The following NMT2 variants were observed in gnomAD, a reference collection of about 807,000 sequenced individuals.
NMT2 encodes the protein N-myristoyltransferase 2.
NMT2 carries 35 observed loss-of-function variants against 65.4 expected under a neutral mutation model. The ratio of observed to expected loss-of-function variants is 0.54; its 90% confidence interval spans 0.41 to 0.71. The LOEUF is 0.71. NMT2 is among the 30% of genes least tolerant of loss of function. The probability of loss-of-function intolerance (pLI) is 0.00; values close to 1 mark genes in which losing one functional copy is unlikely to be tolerated. For missense variants in NMT2, 489 were observed against 611.3 expected (o/e 0.80, Z 2.11); for synonymous variants, 226 against 231.8 (o/e 0.98, Z 0.23).
chr10:15,125,295 G>A (rs565510233), intron 8 of NMT2, among the ~76,000 whole-genome samples: 1 of 152,198 alleles, frequency 6.6e-6, no homozygotes, highest in Non-Finnish European at 1.5e-5. Context: ...ACTGCTACCA[G>A]GAACCCAGGT....
intron 8 of NMT2, among the ~76,000 whole-genome samples, chr10:15,125,074 C>CA (rs1238621998): frequency 6.6e-6 from 1 of 152,188 alleles, no homozygotes; most frequent in African/African-American, 2.4e-5. Flanking sequence ...GCCTGCATCC[C>CA]AAGCCCTCCA....
intron 1 of NMT2, among the ~76,000 whole-genome samples, chr10:15,147,119 AAAAAAAAAAAAAAAAAG>A: frequency 7.7e-6 from 1 of 129,126 alleles, no homozygotes; most frequent in African/African-American, 3.6e-5. Context: ...AAAAAAAAAA[AAAAAAAAAAAAAAAAAG>A]TGACATCAAA....
At chr10:15,121,152 T>G (rs894760636) in intron 8 of NMT2, among the ~76,000 whole-genome samples, 4 of 152,208 alleles carry the variant, frequency 2.6e-5, no homozygotes, top group Non-Finnish European at 4.4e-5. Flanking sequence ...AAACCTGATT[T>G]TTCCCCCCCT....
In NMT2 at chr10:15,112,910, C is replaced by T; in HGVS notation, c.1224G>A (p.Thr408=). The T allele has an allele frequency of 1.9e-6, 3 of 1,614,024 alleles. No individual in the cohort carries two copies. The highest frequency in any genetic ancestry group is 1.1e-5 in the South Asian group (1 of 91,076). The change falls in exon 10 of 12, where the codon ACG becomes ACA. Residue 408 remains threonine, a synonymous_variant. Coordinates refer to ENST00000378165, the MANE Select transcript of NMT2 (RefSeq NM_004808.3). The part of the protein sequence containing the change: ...DFLSFYTLPS[T]VMHHPAHKSL... The stretch of plus-strand genomic sequence containing the variant: ...TCTTGTGAGCAGGGTGGTGCATCAC[C>T]GTGGAGGGGAGCGTATAGAAGCTCA...
chr10:15,106,787 G>T lies in NMT2; in HGVS notation c.*2408C>A. 1 of 322,040 alleles carries T rather than the reference G, an allele frequency of 3.1e-6. No homozygotes were observed. Among genetic ancestry groups the T allele is most frequent in the South Asian group, 1.2e-4 (1 of 8,070 alleles). The allele number at this position is 322,040 out of a possible 1,614,324, so 19.9% of individuals were successfully genotyped here. A position where few individuals can be genotyped will look rare whatever the true frequency, so the allele number is the denominator to read the frequency against. Reference sequence around the variant, plus strand: ...CAACTCAGCTTTGTAGTGTGAAGCAGCCATAGGCAATATGTAAATGAAAGT... The same window carrying T: ...CAACTCAGCTTTGTAGTGTGAAGCATCCATAGGCAATATGTAAATGAAAGT... On this transcript the variant is annotated 3_prime_UTR_variant, in exon 12 of 12. Coordinates refer to ENST00000378165, the MANE Select transcript of NMT2 (RefSeq NM_004808.3).
intron 1 of NMT2, among the ~76,000 whole-genome samples, chr10:15,164,041 G>A (rs945007587): frequency 3.3e-5 from 5 of 152,014 alleles, no homozygotes; most frequent in Admixed American, 6.6e-5. Flanking sequence ...TTAGCCAGGC[G>A]TGGTGGCGGG....
intron 8 of NMT2, among the ~76,000 whole-genome samples, chr10:15,121,963 T>C (rs1041518704): frequency 6.6e-6 from 1 of 152,190 alleles, no homozygotes; most frequent in Non-Finnish European, 1.5e-5. Context: ...CTTTAGTCTT[T>C]TAGTACCTCT....
chr10:15,147,916 T>C (rs1847020017), intron 1 of NMT2, among the ~76,000 whole-genome samples: 1 of 152,216 alleles, frequency 6.6e-6, no homozygotes, highest in Non-Finnish European at 1.5e-5. Context: ...AAACATTTCA[T>C]GGTAAAGTGA....
intron 2 of NMT2, chr10:15,139,696 A>T (rs918483686): frequency 6.6e-6 from 1 of 151,604 alleles, no homozygotes; most frequent in African/African-American, 2.4e-5. Context: ...GCAGTCAGTC[A>T]GGGAAAAATT....
At chr10:15,141,130 C>T (rs1490647297) in intron 2 of NMT2, 1 of 1,091,284 alleles carries the variant, frequency 9.2e-7, no homozygotes, top group Non-Finnish European at 1.4e-6. Context: ...AAAAACCTAA[C>T]AAGCTCACAC....
intron 1 of NMT2, among the ~76,000 whole-genome samples, chr10:15,150,149 C>T (rs1284670860): frequency 6.6e-6 from 1 of 152,190 alleles, no homozygotes; most frequent in Non-Finnish European, 1.5e-5. Context: ...AGAGGTTCAT[C>T]ACACTACCTG....
At chr10:15,144,736 A>G (rs1380562007) in intron 1 of NMT2, among the ~76,000 whole-genome samples, 2 of 152,122 alleles carry the variant, frequency 1.3e-5, no homozygotes, top group Non-Finnish European at 2.9e-5. Context: ...GTCTCAAAAA[A>G]AAAAAAGAAA....
At position 15,111,248 on chromosome 10, in the gene NMT2, C is replaced by T. The variant is rs1318812575; in HGVS notation, c.1339-1409G>A. On this transcript the variant is annotated intron_variant, in intron 10 of 11. Transcript: ENST00000378165. ...TATGCAGGCCGGGCGTGGTGGCTCA[C>T]GCCTGTAATCCCCGCACTTTGGGAG... Among the ~76,000 whole-genome samples the T allele has an allele frequency of 2.6e-5, 4 of 151,912 alleles. No individual in the cohort carries two copies. The East Asian group carries it at 7.8e-4, about 29-fold the overall frequency.
At chr10:15,117,062 AC>A (rs1424495451) in intron 9 of NMT2, among the ~76,000 whole-genome samples, 1 of 152,230 alleles carries the variant, frequency 6.6e-6, no homozygotes, top group African/African-American at 2.4e-5. Flanking sequence ...CTATTATGAG[AC>A]CAGTATTATC....
At chr10:15,152,960 A>T (rs992033425) in intron 1 of NMT2, among the ~76,000 whole-genome samples, 2 of 152,252 alleles carry the variant, frequency 1.3e-5, no homozygotes, top group African/African-American at 4.8e-5. Context: ...CTTACTGTCT[A>T]CTAATAGGGG....
chr10:15,106,904 C>A lies in NMT2; in HGVS notation c.*2291G>T, dbSNP rs1845322623. On this transcript the variant is annotated 3_prime_UTR_variant, in exon 12 of 12. Coordinates refer to ENST00000378165, the MANE Select transcript of NMT2 (RefSeq NM_004808.3). The stretch of plus-strand genomic sequence containing the variant: ...TCACTTGAGGCCAGGAGTTAAAGAC[C>A]AGCACGGGAAACATAGCAAGACCTT... 1.3e-5 allele frequency among the ~76,000 whole-genome samples: 2 copies of A among 152,106 alleles called. No homozygotes were observed. Among genetic ancestry groups the A allele is most frequent in the African/African-American group, 2.4e-5 (1 of 41,418 alleles).
At chr10:15,155,295 T>C (rs573419626) in intron 1 of NMT2, 28 of 1,357,106 alleles carry the variant, frequency 2.1e-5, no homozygotes, top group Middle Eastern at 1.8e-4. Flanking sequence ...GATGGCGATG[T>C]TGAAGAACAT....
intron 9 of NMT2, among the ~76,000 whole-genome samples, chr10:15,114,014 G>C (rs1204451412): frequency 6.6e-6 from 1 of 152,164 alleles, no homozygotes; most frequent in Non-Finnish European, 1.5e-5. Flanking sequence ...ATTTCTTTCA[G>C]CAGAAAAGGA....
chr10:15,132,365 C>G (rs1477482015), intron 6 of NMT2, among the ~76,000 whole-genome samples: 1 of 152,156 alleles, frequency 6.6e-6, no homozygotes, highest in Non-Finnish European at 1.5e-5. Flanking sequence ...CATAAAGCCT[C>G]TGCCTCCACA....
Sources: gnomAD v4.1 joint callset for allele counts (sites outside exome capture counted in the v4.1 genomes callset) on GRCh38, gnomAD v4.1.1 for gene constraint, MANE v1.5 for transcripts, NCBI Gene and HGNC (gene_info 2026-07-23, HGNC 2026-07-21) for gene names.